Variants in NUAK1 observed in about 807,000 individuals in gnomAD.
NUAK1 encodes NUAK family SNF1-like kinase 1.
A neutral mutation model predicts 56.9 loss-of-function variants in NUAK1; 26 were observed. That is an observed-to-expected ratio of 0.46 (90% CI 0.33 to 0.63). The LOEUF is 0.63. Among genes scored for constraint, NUAK1 ranks in the 30% least tolerant of loss-of-function variants. The probability of loss-of-function intolerance (pLI) is 0.02; values close to 1 mark genes in which losing one functional copy is unlikely to be tolerated. For synonymous variants in NUAK1, 337 were observed against 336.0 expected, an observed-to-expected ratio of 1.00 and a Z score of -0.03; for missense variants, 727 against 876.1, an observed-to-expected ratio of 0.83 and a Z score of 2.15.
chr12:106,074,956 C>T (rs1035778754), intron 4 of NUAK1, among the ~76,000 whole-genome samples: 3 of 152,094 alleles, frequency 2.0e-5, no homozygotes, highest in Non-Finnish European at 4.4e-5. Context: ...TCAGAAGAGG[C>T]ATGGAATGGC....
At chr12:106,107,483 C>G (rs1385912105) in intron 1 of NUAK1, among the ~76,000 whole-genome samples, 5 of 152,176 alleles carry the variant, frequency 3.3e-5, no homozygotes, top group Admixed American at 1.3e-4. Flanking sequence ...ATCAGAAAGC[C>G]TGCCTAGTTC....
intron 1 of NUAK1, among the ~76,000 whole-genome samples, chr12:106,122,690 T>C (rs1043070968): frequency 6.6e-6 from 1 of 152,198 alleles, no homozygotes; most frequent in African/African-American, 2.4e-5. Context: ...CAGAGCTGTG[T>C]TCTCAAAATA....
At chr12:106,106,128 G>A (rs944605211) in intron 2 of NUAK1, 5 of 267,836 alleles carry the variant, frequency 1.9e-5, no homozygotes, top group African/African-American at 8.8e-5. Context: ...CTCACAAACT[G>A]GCTTTCAATA....
In NUAK1 at chr12:106,138,398, G is replaced by A; in HGVS notation, c.240+16C>T. The A allele has an allele frequency of 6.3e-7, 1 of 1,598,566 alleles. No homozygotes were observed. Among genetic ancestry groups the A allele is most frequent in the Non-Finnish European group, 8.5e-7 (1 of 1,174,302 alleles). On this transcript the variant is annotated intron_variant, in intron 1 of 6. Transcript: ENST00000261402. This position sits in a 1 kb window ranked among gnomAD's most constrained non-coding sequence, Gnocchi z 5.0. ...CACCCAGCGCCCCCCGCACCCTCCA[G>A]GATTGCCCCACTCACCACTCGGCCA...
intron 1 of NUAK1, among the ~76,000 whole-genome samples, chr12:106,109,555 GAA>G (rs5800702): frequency 0.16 from 20,243 of 123,466 alleles, 1,741 homozygotes; most frequent in African/African-American, 0.28. Flanking sequence ...GGTTGTTAAG[GAA>G]AAAAAAAAAA....
At chr12:106,072,074 T>A (rs765710678) in intron 5 of NUAK1, among the ~76,000 whole-genome samples, 31 of 152,202 alleles carry the variant, frequency 2.0e-4, no homozygotes, top group Non-Finnish European at 4.0e-4. Context: ...AGCGCTAGCA[T>A]GTAGGGAAAT....
chr12:106,090,053 G>A (rs1029252214), intron 2 of NUAK1, among the ~76,000 whole-genome samples: 1 of 152,188 alleles, frequency 6.6e-6, no homozygotes, highest in African/African-American at 2.4e-5. Context: ...TTAACTCAGA[G>A]TTCTGCCAGT....
At chr12:106,082,859 A>T (rs1270823649) in intron 4 of NUAK1, among the ~76,000 whole-genome samples, 1 of 152,144 alleles carries the variant, frequency 6.6e-6, no homozygotes, top group Non-Finnish European at 1.5e-5. Context: ...ACAACAAAAA[A>T]ATCATTCCCA....
At chr12:106,128,428 G>A (rs867876283) in intron 1 of NUAK1, among the ~76,000 whole-genome samples, 5 of 152,084 alleles carry the variant, frequency 3.3e-5, no homozygotes, top group Non-Finnish European at 5.9e-5. Flanking sequence ...CACCACTCCC[G>A]CTTCCCTTTT....
intron 1 of NUAK1, among the ~76,000 whole-genome samples, chr12:106,124,016 C>T (rs1227963299): frequency 4.6e-5 from 7 of 152,108 alleles, no homozygotes; most frequent in African/African-American, 1.2e-4. Flanking sequence ...CAGACTGTGC[C>T]GCCACCAGAG....
At chr12:106,133,596 A>C (rs925499729) in intron 1 of NUAK1, among the ~76,000 whole-genome samples, 1 of 152,166 alleles carries the variant, frequency 6.6e-6, no homozygotes, top group Non-Finnish European at 1.5e-5. Flanking sequence ...GGGTCTCACT[A>C]TTTTACACCT....
At chr12:106,069,136 T>C (rs948566383) in intron 6 of NUAK1, among the ~76,000 whole-genome samples, 1 of 152,104 alleles carries the variant, frequency 6.6e-6, no homozygotes, top group Non-Finnish European at 1.5e-5. Flanking sequence ...ATCCATAGAG[T>C]CTGTATTTGC....
intron 2 of NUAK1, chr12:106,087,087 A>G (rs1352224745): frequency 5.6e-6 from 3 of 536,896 alleles, no homozygotes; most frequent in East Asian, 3.0e-5. Flanking sequence ...TGTCACCACC[A>G]CTGTTCCTGG....
chr12:106,107,689 G>A (rs1201885727), intron 1 of NUAK1, among the ~76,000 whole-genome samples: 1 of 152,200 alleles, frequency 6.6e-6, no homozygotes, highest in Non-Finnish European at 1.5e-5. Flanking sequence ...AGCCTCAGCA[G>A]GAATATATTC....
At chr12:106,123,420 G>A (rs1054660969) in intron 1 of NUAK1, among the ~76,000 whole-genome samples, 3 of 152,148 alleles carry the variant, frequency 2.0e-5, no homozygotes, top group Admixed American at 1.3e-4. Flanking sequence ...TGGTGCCACC[G>A]AGGGACTGAA....
intron 1 of NUAK1, among the ~76,000 whole-genome samples, chr12:106,122,329 C>G (rs776554857): frequency 2.6e-5 from 4 of 152,182 alleles, no homozygotes; most frequent in African/African-American, 9.7e-5. Flanking sequence ...AGTATCACAG[C>G]AGTTCAGGAT....
chr12:106,117,298 G>A (rs1468574955), intron 1 of NUAK1, among the ~76,000 whole-genome samples: 1 of 152,234 alleles, frequency 6.6e-6, no homozygotes, highest in Non-Finnish European at 1.5e-5. Context: ...GACACATGAT[G>A]TGTATGCACA....
At chr12:106,128,444 T>G (rs1592863993) in intron 1 of NUAK1, among the ~76,000 whole-genome samples, 1 of 152,132 alleles carries the variant, frequency 6.6e-6, no homozygotes, top group South Asian at 2.1e-4. Context: ...CTTTTTGATG[T>G]ATAGATTGGA....
intron 1 of NUAK1, among the ~76,000 whole-genome samples, chr12:106,107,748 G>A (rs907119290): frequency 1.3e-5 from 2 of 152,150 alleles, no homozygotes; most frequent in East Asian, 1.9e-4. Context: ...TCTCCACCAA[G>A]CACTACAAAC....
Sources: gnomAD v4.1 joint callset for allele counts (sites outside exome capture counted in the v4.1 genomes callset) on GRCh38, gnomAD v4.1.1 for gene constraint, Gnocchi (gnomAD v3.1) non-coding constraint, MANE v1.5 for transcripts, NCBI Gene and HGNC (gene_info 2026-07-23, HGNC 2026-07-21) for gene names.